Variants in CRACD observed in about 807,000 individuals in gnomAD.
The protein encoded by CRACD is capping protein-inhibiting regulator of actin dynamics.
Under a neutral mutation model 106.8 loss-of-function variants are expected in CRACD, and 56 were observed. The ratio of observed to expected loss-of-function variants is 0.52; its 90% CI spans 0.42 to 0.66. The LOEUF is 0.66. Ranked by LOEUF, CRACD falls within the 30% of genes least tolerant of loss-of-function variation. CRACD has a pLI of 0.00. For missense variants in CRACD, 1,730 were observed against 1,623.2 expected, an observed-to-expected ratio of 1.07 and a Z score of -1.13; for synonymous variants, 754 against 670.8, an observed-to-expected ratio of 1.12 and a Z score of -1.92.
At chr4:56,266,946 C>G (rs1054715382) in intron 2 of CRACD, among the ~76,000 whole-genome samples, 1 of 152,060 alleles carries the variant, frequency 6.6e-6, no homozygotes, top group Admixed American at 6.6e-5. Flanking sequence ...GAGTATAACT[C>G]CTTACCTAGT....
intron 8 of CRACD, chr4:56,320,861 A>T (rs971148216): frequency 6.0e-6 from 1 of 166,060 alleles, no homozygotes; most frequent in South Asian, 1.6e-4. Flanking sequence ...AACCTTCATG[A>T]TCCCAAAGCA....
intron 1 of CRACD, among the ~76,000 whole-genome samples, chr4:56,178,296 G>T (rs922132792): frequency 6.6e-6 from 1 of 152,138 alleles, no homozygotes; most frequent in African/African-American, 2.4e-5. Flanking sequence ...TTCACTTTAT[G>T]TTCCTCTAAA....
chr4:56,052,441 G>A (rs1731909215), intron 1 of CRACD, among the ~76,000 whole-genome samples: 1 of 152,186 alleles, frequency 6.6e-6, no homozygotes, highest in African/African-American at 2.4e-5. Flanking sequence ...CAGGTTAAGT[G>A]CATTTAAGAA....
At chr4:56,173,243 G>T (rs761993544) in intron 1 of CRACD, among the ~76,000 whole-genome samples, 8 of 152,198 alleles carry the variant, frequency 5.3e-5, no homozygotes, top group Non-Finnish European at 7.3e-5. Context: ...ACTGAGGATC[G>T]CATTGCTCTT....
At chr4:56,287,036 C>G (rs1743409473) in intron 3 of CRACD, among the ~76,000 whole-genome samples, 1 of 152,188 alleles carries the variant, frequency 6.6e-6, no homozygotes, top group Non-Finnish European at 1.5e-5. Context: ...ACTTTAAGCA[C>G]AGAAACAAGC....
intron 1 of CRACD, among the ~76,000 whole-genome samples, chr4:56,053,022 T>C (rs1009631120): frequency 1.3e-5 from 2 of 152,216 alleles, no homozygotes; most frequent in African/African-American, 4.8e-5. Context: ...GATGTAAATA[T>C]TTTGTAAGAG....
Position 56,301,310 on chromosome 4 carries a change from C to T in CRACD, c.120+2961C>T. ...ATGAATGCTTTGCATTTTTCCATGA[C>T]AACGTGATGCTGGTATTGATGCTTA... On this transcript the variant is annotated intron_variant, in intron 4 of 10. Transcript: ENST00000682029. 5 of 1,106,028 alleles carry T rather than the reference C, an allele frequency of 4.5e-6. No individual in the cohort carries two copies. In the South Asian group the frequency reaches 6.7e-5, roughly 15 times the overall value. 68.5% of individuals were successfully genotyped at this position (1,106,028 alleles called of 1,614,324 possible).
chr4:56,328,233 A>G lies in CRACD; in HGVS notation c.*429A>G, dbSNP rs757560828. On this transcript the variant is annotated 3_prime_UTR_variant, in exon 11 of 11. Coordinates refer to ENST00000682029, the MANE Select transcript of CRACD (RefSeq NM_001393381.1). ...CATTTACTCTACCATATGTCTGGGA[A>G]TGTTTATCCTTTCTACAGTAATGGT... 5.9e-5 allele frequency: 28 copies of G among 472,314 alleles called. No individual in the cohort carries two copies. Among genetic ancestry groups the G allele is most frequent in the Non-Finnish European group, 1.0e-4 (24 of 238,084 alleles). The allele number at this position is 472,314 out of a possible 1,614,324, so 29.3% of individuals were successfully genotyped here.
At chr4:56,294,686 G>A (rs1046865627) in intron 3 of CRACD, among the ~76,000 whole-genome samples, 4 of 152,182 alleles carry the variant, frequency 2.6e-5, no homozygotes, top group African/African-American at 9.6e-5. Context: ...GGCCAAGGTG[G>A]GCTGATCACT....
intron 2 of CRACD, among the ~76,000 whole-genome samples, chr4:56,236,074 G>T (rs1425496445): frequency 6.6e-6 from 1 of 152,156 alleles, no homozygotes; most frequent in Admixed American, 6.5e-5. Context: ...CTCAGAATGT[G>T]ACCTTACTTA....
At chr4:56,091,489 A>G (rs772594327) in intron 1 of CRACD, among the ~76,000 whole-genome samples, 1 of 152,102 alleles carries the variant, frequency 6.6e-6, no homozygotes, top group Non-Finnish European at 1.5e-5. Flanking sequence ...GATTCCCAGG[A>G]TAGCCCATAA....
Position 56,316,156 on chromosome 4 carries a change from C to G in CRACD, c.2654C>G (p.Ala885Gly), listed in dbSNP as rs1041308649. 1 of 1,614,188 alleles carries G rather than the reference C, an allele frequency of 6.2e-7. No individual in the cohort carries two copies. The highest frequency in any genetic ancestry group is 1.1e-5 in the South Asian group (1 of 91,086). Reference sequence around the variant, plus strand: ...GACAGCGCGGATGCAGGGCCGCCTGCAGCGGGGAGCGCTCGTGGAGAGAAA... The same window carrying G: ...GACAGCGCGGATGCAGGGCCGCCTGGAGCGGGGAGCGCTCGTGGAGAGAAA... ...TGDSADAGPP[A>G]AGSARGEKEM... is the part of the protein sequence containing the mutation. Residue 885 changes from alanine to glycine, a missense_variant, in exon 8 of 11, where the codon GCA becomes GGA. Ala to Gly is a moderately conservative substitution (Grantham distance 60). Around this residue, in one of 5 missense-constraint regions of CRACD, gnomAD observed 1,620 missense variants for 1,481.6 expected, o/e 1.09. Transcript: ENST00000682029.
At chr4:56,231,722 A>G (rs144118736) in intron 2 of CRACD, among the ~76,000 whole-genome samples, 24 of 152,322 alleles carry the variant, frequency 1.6e-4, no homozygotes, top group African/African-American at 5.8e-4. Flanking sequence ...TACAGGAAAA[A>G]CCAAGTCAGG....
chr4:56,310,796 C>CT lies in CRACD; in HGVS notation c.354+62_354+63insT, dbSNP rs1028136087. ...CTTACTTAACTTTCATCTTCCCCCC[C>CT]CCTTTTTTTTTTTTGCGACCTGCTG... On this transcript the variant is annotated intron_variant, in intron 6 of 10. Transcript: ENST00000682029. The CT allele has an allele frequency of 9.2e-6, 9 of 973,414 alleles. 1 individual carries two copies. The highest frequency in any genetic ancestry group is 5.3e-5 in the African/African-American group (3 of 56,982). The allele number at this position is 973,414 out of a possible 1,614,324, so 60.3% of individuals were successfully genotyped here.
chr4:56,159,404 A>C (rs1335778820), intron 1 of CRACD, among the ~76,000 whole-genome samples: 3 of 152,204 alleles, frequency 2.0e-5, no homozygotes, highest in African/African-American at 4.8e-5. Flanking sequence ...TAATCCCAGC[A>C]CTTTGGGAGG....
At chr4:56,099,387 T>C (rs148615340) in intron 1 of CRACD, among the ~76,000 whole-genome samples, 1 of 152,338 alleles carries the variant, frequency 6.6e-6, no homozygotes, top group Non-Finnish European at 1.5e-5. Flanking sequence ...GATGATGTAC[T>C]CACTTGCCTT....
chr4:56,251,332 G>C (rs901943603), intron 2 of CRACD, among the ~76,000 whole-genome samples: 10 of 152,152 alleles, frequency 6.6e-5, no homozygotes, highest in African/African-American at 2.4e-4. Flanking sequence ...AAATCAAATA[G>C]TGGCTTCACT....
intron 2 of CRACD, among the ~76,000 whole-genome samples, chr4:56,243,503 A>G (rs1264964924): frequency 6.6e-6 from 1 of 152,218 alleles, no homozygotes; most frequent in Non-Finnish European, 1.5e-5. Context: ...TAGTCTATAA[A>G]CAAATACACT....
chr4:56,245,793 A>T, intron 2 of CRACD, among the ~76,000 whole-genome samples: 1 of 152,332 alleles, frequency 6.6e-6, no homozygotes, highest in Non-Finnish European at 1.5e-5. Flanking sequence ...ATTGCCCTTC[A>T]TTGAAGTAAA....
Sources: allele counts gnomAD v4.1 joint callset (sites outside exome capture counted in the v4.1 genomes callset), GRCh38; gene constraint gnomAD v4.1.1; regional missense constraint gnomAD v4.1.1; transcripts MANE v1.5; gene names NCBI Gene and HGNC (gene_info 2026-07-23, HGNC 2026-07-21).